CAST: variants seen among roughly 807,000 people sequenced by gnomAD.
CAST encodes MIR583 host.
A neutral mutation model predicts 119.6 loss-of-function variants in CAST; 76 were observed. The ratio of observed to expected loss-of-function variants is 0.64; its 90% CI spans 0.53 to 0.77. CAST has a LOEUF of 0.77. Among genes scored for constraint, CAST ranks in the 30% least tolerant of loss-of-function variants. CAST has a pLI of 0.00. For synonymous variants in CAST, 319 were observed against 331.6 expected, an observed-to-expected ratio of 0.96 and a Z score of 0.41; for missense variants, 953 against 946.5, an observed-to-expected ratio of 1.01 and a Z score of -0.09.
chr5:96,076,348 C>T, the CAST span, among the ~76,000 whole-genome samples: 1 of 152,114 alleles, frequency 6.6e-6, no homozygotes, highest in African/African-American at 2.4e-5. Flanking sequence ...TTAGTAAAAA[C>T]ACACATTCCT....
At chr5:96,645,396 C>T (rs970642053) in intron 1 of CAST, among the ~76,000 whole-genome samples, 2 of 152,128 alleles carry the variant, frequency 1.3e-5, no homozygotes, top group South Asian at 2.1e-4. Context: ...GTTATTATTT[C>T]GCCCTTTCTA....
the CAST span, among the ~76,000 whole-genome samples, chr5:96,443,442 T>C: frequency 1.3e-5 from 2 of 152,214 alleles, no homozygotes; most frequent in African/African-American, 4.8e-5. Flanking sequence ...CTATTACATC[T>C]AGATTCTGGG....
chr5:96,402,296 GAC>G, the CAST span, among the ~76,000 whole-genome samples: 1 of 152,242 alleles, frequency 6.6e-6, no homozygotes, highest in African/African-American at 2.4e-5. Flanking sequence ...TCCCCATGCA[GAC>G]ACAGTGTGCA....
At chr5:96,340,735 T>A in the CAST span, among the ~76,000 whole-genome samples, 1 of 152,204 alleles carries the variant, frequency 6.6e-6, no homozygotes, top group Non-Finnish European at 1.5e-5. Flanking sequence ...CCACTTTGAT[T>A]ATCATTTACT....
the CAST span, among the ~76,000 whole-genome samples, chr5:96,507,249 A>T: frequency 6.6e-6 from 1 of 152,126 alleles, no homozygotes; most frequent in Non-Finnish European, 1.5e-5. Flanking sequence ...GGGCACGTAA[A>T]CTAAATATTC....
Position 96,749,905 on chromosome 5 carries a change from C to T in CAST, c.1429-682C>T, listed in dbSNP as rs145344424. ...ACAGTGGTTCTCAAACTTTAGCATG[C>T]ATCAGGATCATCTGGAGAGTTTTTT... On this transcript the variant is annotated intron_variant, in intron 19 of 31. Transcript: ENST00000675179. Among the ~76,000 whole-genome samples the T allele has an allele frequency of 3.8e-3, 577 of 152,298 alleles. 11 individuals carry two copies. The highest frequency in any genetic ancestry group is 0.024 in the Admixed American group (365 of 15,302).
intron 1 of CAST, among the ~76,000 whole-genome samples, chr5:96,537,815 C>T (rs1411019674): frequency 6.6e-6 from 1 of 152,162 alleles, no homozygotes; most frequent in Non-Finnish European, 1.5e-5. Flanking sequence ...ACATTTTCCC[C>T]ATCAAAACTG....
the CAST span, among the ~76,000 whole-genome samples, chr5:96,491,544 C>G: frequency 7.2e-6 from 1 of 138,258 alleles, no homozygotes; most frequent in Non-Finnish European, 1.6e-5. Context: ...ACCAACAATA[C>G]CATATCCTGA....
intron 20 of CAST, among the ~76,000 whole-genome samples, chr5:96,751,640 G>T (rs1194433431): frequency 6.6e-6 from 1 of 152,164 alleles, no homozygotes; most frequent in Non-Finnish European, 1.5e-5. Flanking sequence ...CGGAGAGGAG[G>T]AGGGACTCTA....
chr5:96,615,876 C>G (rs1467225119), intron 1 of CAST, among the ~76,000 whole-genome samples: 1 of 152,062 alleles, frequency 6.6e-6, no homozygotes, highest in East Asian at 1.9e-4. Flanking sequence ...CACATGGTCA[C>G]AAGGTCCTAC....
chr5:95,985,072 G>A, the CAST span, among the ~76,000 whole-genome samples: 1 of 152,130 alleles, frequency 6.6e-6, no homozygotes, highest in African/African-American at 2.4e-5. Flanking sequence ...CAGCACTTTG[G>A]GAGTTCAAGG....
chr5:96,073,660 C>T, the CAST span, among the ~76,000 whole-genome samples: 1 of 152,132 alleles, frequency 6.6e-6, no homozygotes, highest in African/African-American at 2.4e-5. Context: ...CAACCTGGAT[C>T]CCTTGCATGC....
the CAST span, among the ~76,000 whole-genome samples, chr5:96,384,811 T>C: frequency 6.6e-6 from 1 of 152,118 alleles, no homozygotes; most frequent in African/African-American, 2.4e-5. Context: ...TCTGGACAAA[T>C]GCTGAAAAAT....
At chr5:96,303,920 A>T in the CAST span, among the ~76,000 whole-genome samples, 1 of 152,026 alleles carries the variant, frequency 6.6e-6, no homozygotes, top group Non-Finnish European at 1.5e-5. Flanking sequence ...ACGTGTGCTT[A>T]AGTCTTTATA....
chr5:96,425,792 C>T, the CAST span: 7 of 1,256,104 alleles, frequency 5.6e-6, no homozygotes, highest in East Asian at 1.4e-4. Flanking sequence ...CCAGGTCCCA[C>T]CCACATAGTC....
At position 96,621,062 on chromosome 5, in the gene CAST, A is replaced by T. The variant is rs142803188; in HGVS notation, c.61-54477A>T. On this transcript the variant is annotated intron_variant, in intron 1 of 11. Coordinates refer to the CAST transcript ENST00000505143. ...CCTACCCCTCCTTCAACCTCCTCAC[A>T]GATACCTCAAGTTCCCACGTCTTCT... 3.9e-3 allele frequency among the ~76,000 whole-genome samples: 587 copies of T among 152,274 alleles called. 3 individuals carry two copies. The highest frequency in any genetic ancestry group is 0.013 in the African/African-American group (551 of 41,556).
At chr5:96,544,799 C>A (rs1745975887) in intron 1 of CAST, among the ~76,000 whole-genome samples, 1 of 148,624 alleles carries the variant, frequency 6.7e-6, no homozygotes, top group African/African-American at 2.5e-5. Flanking sequence ...CTAAGTACAG[C>A]AATTAAAAAC....
chr5:96,748,024 T>C (rs1764147655), intron 18 of CAST, among the ~76,000 whole-genome samples: 1 of 152,158 alleles, frequency 6.6e-6, no homozygotes, highest in African/African-American at 2.4e-5. Context: ...GTTACTGTTG[T>C]TAGTGACAAT....
chr5:96,090,053 A>G, the CAST span, among the ~76,000 whole-genome samples: 1,074 of 152,244 alleles, frequency 7.1e-3, 10 homozygotes, highest in Non-Finnish European at 0.011. Context: ...CCCTGGTAAA[A>G]GAGATTAATA....
Sources: gnomAD v4.1 joint callset for allele counts (sites outside exome capture counted in the v4.1 genomes callset) on GRCh38, gnomAD v4.1.1 for gene constraint, MANE v1.5 for transcripts, NCBI Gene and HGNC (gene_info 2026-07-23, HGNC 2026-07-21) for gene names.